ASIC2: variants seen among roughly 807,000 people sequenced by gnomAD.
The protein encoded by ASIC2 is acid-sensing ion channel 2.
ASIC2 carries 25 observed loss-of-function variants against 57.3 expected under a neutral mutation model. That is an observed-to-expected ratio of 0.44 (90% CI 0.32 to 0.61). The LOEUF (loss-of-function observed/expected upper bound fraction) is 0.61. Among genes scored for constraint, ASIC2 ranks in the 20% least tolerant of loss-of-function variants. ASIC2 has a pLI of 0.06. For missense variants in ASIC2, 641 were observed against 738.1 expected, an observed-to-expected ratio of 0.87 and a Z score of 1.52; for synonymous variants, 319 against 307.5, an observed-to-expected ratio of 1.04 and a Z score of -0.39.
chr17:33,914,329 C>A (rs1426039887), intron 1 of ASIC2, among the ~76,000 whole-genome samples: 2 of 152,182 alleles, frequency 1.3e-5, no homozygotes, highest in Non-Finnish European at 2.9e-5. Context: ...TGTTATCCAG[C>A]CTCTCAGGGC....
At chr17:34,146,333 A>G (rs1004761862) in intron 1 of ASIC2, among the ~76,000 whole-genome samples, 1 of 152,198 alleles carries the variant, frequency 6.6e-6, no homozygotes, top group African/African-American at 2.4e-5. Context: ...ACTATTGTCC[A>G]TGTTACCATA....
At position 33,740,368 on chromosome 17, in the gene ASIC2, T is replaced by A. The variant is rs561883405; in HGVS notation, c.555+415610A>T. 1.8e-3 allele frequency among the ~76,000 whole-genome samples: 268 copies of A among 152,268 alleles called. 1 individual carries two copies. Among genetic ancestry groups the A allele is most frequent in the Non-Finnish European group, 3.1e-3 (208 of 68,012 alleles). ...CTGGGAGGCCTCGGGAAACTTACAA[T>A]CATGGCAGATGGGGAAGCAAACATG... On this transcript the variant is annotated intron_variant, in intron 1 of 9. Coordinates refer to the ASIC2 transcript ENST00000359872.
chr17:33,995,194 A>C (rs1188212475), intron 1 of ASIC2, among the ~76,000 whole-genome samples: 6 of 152,174 alleles, frequency 3.9e-5, no homozygotes, highest in African/African-American at 7.2e-5. Flanking sequence ...GGGAGATTTT[A>C]TCTCTCTGAT....
chr17:33,466,483 A>G (rs891015633), intron 1 of ASIC2, among the ~76,000 whole-genome samples: 22 of 152,100 alleles, frequency 1.4e-4, no homozygotes, highest in African/African-American at 4.3e-4. Context: ...AGAATTGGGA[A>G]AAAAAAACCT....
rs373102206 is a variant in ASIC2 at position 33,014,895 on chromosome 17, G to A, written c.1591-829C>T. Among the ~76,000 whole-genome samples, 194 of 152,190 alleles carry A rather than the reference G, an allele frequency of 1.3e-3. 1 individual carries two copies. The highest frequency in any genetic ancestry group is 4.6e-3 in the African/African-American group (191 of 41,456). ...TTGCCGGCAGGATCTCACTGAACTC[G>A]GATGACAGCCCCCTGCAGTCTGATC... On this transcript the variant is annotated intron_variant, in intron 9 of 9. Coordinates refer to ENST00000225823, the MANE Select transcript of ASIC2 (RefSeq NM_183377.2).
At chr17:33,031,125 C>A (rs1303318751) in intron 3 of ASIC2, among the ~76,000 whole-genome samples, 2 of 152,064 alleles carry the variant, frequency 1.3e-5, no homozygotes, top group Non-Finnish European at 2.9e-5. Flanking sequence ...CCAGTGAAGC[C>A]ATCTGGACCT....
At chr17:33,415,967 G>A (rs1172809663) in intron 1 of ASIC2, among the ~76,000 whole-genome samples, 2 of 152,206 alleles carry the variant, frequency 1.3e-5, no homozygotes, top group African/African-American at 4.8e-5. Flanking sequence ...TTTCCATGGC[G>A]GTGTGAGGCC....
chr17:33,669,837 T>C (rs924010701), intron 1 of ASIC2, among the ~76,000 whole-genome samples: 2 of 152,208 alleles, frequency 1.3e-5, no homozygotes, highest in African/African-American at 4.8e-5. Flanking sequence ...CCTGCCTGCC[T>C]GTTTAGACAA....
At chr17:34,132,664 A>G (rs1315535628) in intron 1 of ASIC2, among the ~76,000 whole-genome samples, 3 of 150,470 alleles carry the variant, frequency 2.0e-5, no homozygotes, top group African/African-American at 7.4e-5. Context: ...ATCCTCTTGT[A>G]AGACAGAAAA....
At chr17:33,784,110 A>G (rs914313874) in intron 1 of ASIC2, among the ~76,000 whole-genome samples, 34 of 152,166 alleles carry the variant, frequency 2.2e-4, no homozygotes, top group African/African-American at 7.0e-4. Context: ...TGAGCACTCT[A>G]AGTGCTGTGA....
intron 1 of ASIC2, among the ~76,000 whole-genome samples, chr17:33,441,877 C>G (rs1911835609): frequency 6.6e-6 from 1 of 152,138 alleles, no homozygotes; most frequent in Non-Finnish European, 1.5e-5. Flanking sequence ...TCAAATAAAA[C>G]TTACATTAAA....
At chr17:33,391,103 T>C (rs1909872604) in intron 1 of ASIC2, among the ~76,000 whole-genome samples, 1 of 152,244 alleles carries the variant, frequency 6.6e-6, no homozygotes, top group Admixed American at 6.5e-5. Flanking sequence ...AGATTCTGAT[T>C]TGCTGCTCAG....
chr17:33,018,573 T>A (rs1215365523), intron 7 of ASIC2, among the ~76,000 whole-genome samples: 2 of 152,292 alleles, frequency 1.3e-5, no homozygotes, highest in East Asian at 3.9e-4. Flanking sequence ...GGGTTCTGAG[T>A]CCTCAAAAGC....
intron 2 of ASIC2, among the ~76,000 whole-genome samples, chr17:33,096,638 A>C (rs994597760): frequency 6.6e-5 from 10 of 152,190 alleles, no homozygotes; most frequent in Non-Finnish European, 5.9e-5. Flanking sequence ...GATAACAAAC[A>C]GGTACACGTG....
intron 1 of ASIC2, among the ~76,000 whole-genome samples, chr17:33,961,768 C>A (rs1426970231): frequency 1.3e-5 from 2 of 152,092 alleles, no homozygotes; most frequent in Non-Finnish European, 2.9e-5. Context: ...CAAAGGGAGT[C>A]AGGTAGCCCT....
At chr17:34,034,560 G>C (rs903917982) in intron 1 of ASIC2, among the ~76,000 whole-genome samples, 2 of 152,178 alleles carry the variant, frequency 1.3e-5, no homozygotes, top group African/African-American at 4.8e-5. Flanking sequence ...TAGGAAAAGA[G>C]GAAGTCAAAT....
At chr17:33,204,711 A>ATG (rs946884454) in intron 1 of ASIC2, among the ~76,000 whole-genome samples, 22 of 152,236 alleles carry the variant, frequency 1.4e-4, no homozygotes, top group African/African-American at 4.6e-4. Context: ...ATTCTAGCAC[A>ATG]TGTGTGTGTG....
chr17:33,286,682 C>T lies in ASIC2; in HGVS notation c.708+4726G>A, dbSNP rs1377210313. On this transcript the variant is annotated intron_variant, in intron 1 of 9. Coordinates refer to ENST00000225823, the MANE Select transcript of ASIC2 (RefSeq NM_183377.2). Reference sequence around the variant, plus strand: ...TACTTTGGAGCTTCTACTTATCCTTCAAGATTTAGCTGAGATACCACCTCC... The same window carrying T: ...TACTTTGGAGCTTCTACTTATCCTTTAAGATTTAGCTGAGATACCACCTCC... 2.6e-5 allele frequency among the ~76,000 whole-genome samples: 4 copies of T among 152,198 alleles called. No individual in the cohort carries two copies. In the East Asian group the frequency reaches 7.7e-4, roughly 29 times the overall value.
At position 34,150,199 on chromosome 17, in the gene ASIC2, A is replaced by C. The variant is rs141160515; in HGVS notation, c.555+5779T>G. 7.0e-3 allele frequency among the ~76,000 whole-genome samples: 1,073 copies of C among 152,308 alleles called. 13 individuals are homozygous for C. The highest frequency in any genetic ancestry group is 0.025 in the African/African-American group (1,026 of 41,566). On this transcript the variant is annotated intron_variant, in intron 1 of 9. Transcript: ENST00000359872. ...GAATCTTAGAAAGTCAAACTCATAGAAACAGAGAGTAGAATGGTGATTACT... is the reference window on the plus strand; with the variant it reads ...GAATCTTAGAAAGTCAAACTCATAGCAACAGAGAGTAGAATGGTGATTACT...
Sources: allele counts gnomAD v4.1 joint callset (sites outside exome capture counted in the v4.1 genomes callset), GRCh38; gene constraint gnomAD v4.1.1; transcripts MANE v1.5; gene names NCBI Gene and HGNC (gene_info 2026-07-23, HGNC 2026-07-21).